Variants in HTR4 observed in about 807,000 individuals in gnomAD.
HTR4 encodes 5-hydroxytryptamine (serotonin) receptor 4, G protein-coupled.
Under a neutral mutation model 36.8 loss-of-function variants are expected in HTR4, and 16 were observed. That is an observed-to-expected ratio of 0.43 (90% CI 0.29 to 0.66). HTR4 has a LOEUF of 0.66. Among genes scored for constraint, HTR4 ranks in the 30% least tolerant of loss-of-function variants. HTR4 has a pLI of 0.13. For missense variants in HTR4, 438 were observed against 490.9 expected (o/e 0.89, Z 1.02); for synonymous variants, 189 against 185.1 (o/e 1.02, Z -0.17).
intron 5 of HTR4, among the ~76,000 whole-genome samples, chr5:148,454,950 G>C (rs1236677560): frequency 1.3e-5 from 2 of 152,160 alleles, no homozygotes; most frequent in African/African-American, 4.8e-5. Flanking sequence ...AGGAAATGGG[G>C]CTACGCTTTA....
intron 1 of HTR4, among the ~76,000 whole-genome samples, chr5:148,647,514 C>T (rs908934239): frequency 1.3e-5 from 2 of 152,072 alleles, no homozygotes; most frequent in Admixed American, 6.5e-5. Context: ...TGAGTCTTTC[C>T]CTCTCCCCTT....
At chr5:148,484,732 A>T (rs1212209989) in intron 6 of HTR4, among the ~76,000 whole-genome samples, 1 of 152,212 alleles carries the variant, frequency 6.6e-6, no homozygotes, top group East Asian at 1.9e-4. Flanking sequence ...TCCCTAAATA[A>T]TGAAATCTAA....
intron 6 of HTR4, among the ~76,000 whole-genome samples, chr5:148,499,086 A>T (rs1223335914): frequency 6.6e-6 from 1 of 152,188 alleles, no homozygotes; most frequent in Non-Finnish European, 1.5e-5. Flanking sequence ...AGTCAGAAAC[A>T]GTTGGGTCTG....
chr5:148,462,519 AAATT>A (rs1057449713), intron 5 of HTR4, among the ~76,000 whole-genome samples: 2 of 152,088 alleles, frequency 1.3e-5, no homozygotes, highest in Non-Finnish European at 2.9e-5. Context: ...AATTGAATAA[AAATT>A]AATAACCTTT....
intron 5 of HTR4, among the ~76,000 whole-genome samples, chr5:148,451,797 C>G (rs1348243924): frequency 6.6e-6 from 1 of 152,194 alleles, no homozygotes; most frequent in African/African-American, 2.4e-5. Context: ...CAAGTTGACA[C>G]TAAGCATCAC....
At position 148,482,367 on chromosome 5, in the gene HTR4, A is replaced by G. The variant is rs201244832; in HGVS notation, c.*836T>C. On this transcript the variant is annotated 3_prime_UTR_variant, in exon 7 of 7. Transcript: ENST00000377888. Reference sequence around the variant, plus strand: ...CTAGCCCTGCCCAAGGCTTTTTAGAAGACGTCCCGTTCTAGCCCAGCAGGA... The same window carrying G: ...CTAGCCCTGCCCAAGGCTTTTTAGAGGACGTCCCGTTCTAGCCCAGCAGGA... The G allele has an allele frequency of 1.2e-5, 12 of 985,426 alleles. No homozygotes were observed. Among genetic ancestry groups the G allele is most frequent in the African/African-American group, 1.7e-5 (1 of 57,262 alleles). 61.0% of individuals were successfully genotyped at this position (985,426 alleles called of 1,614,324 possible).
rs553797923 is a variant in HTR4 at position 148,557,759 on chromosome 5, C to CAT, written c.27-7499_27-7498dup. 1.0e-3 allele frequency among the ~76,000 whole-genome samples: 153 copies of CAT among 147,544 alleles called. 5 individuals carry two copies. In the South Asian group the frequency reaches 0.033, roughly 31 times the overall value. On this transcript the variant is annotated intron_variant, in intron 2 of 6. Transcript: ENST00000377888. ...CAAGTGAATATATGTATGTATAATA[C>CAT]ATATATATAATATATTATATAATAT... is the stretch of plus-strand genomic sequence containing the variant.
At chr5:148,475,812 G>A (rs2113708849), downstream of HTR4, among the ~76,000 whole-genome samples, 1 of 152,312 alleles carries the variant, frequency 6.6e-6, no homozygotes, top group South Asian at 2.1e-4. Flanking sequence ...GAGACTGTGT[G>A]CCACTATTTA....
intron 6 of HTR4, among the ~76,000 whole-genome samples, chr5:148,489,553 A>C (rs1481982312): frequency 6.6e-6 from 1 of 152,218 alleles, no homozygotes; most frequent in African/African-American, 2.4e-5. Context: ...GTGGGGCAGG[A>C]AAGTTTAGAG....
chr5:148,642,627 C>T (rs182031314), intron 1 of HTR4, among the ~76,000 whole-genome samples: 2 of 152,276 alleles, frequency 1.3e-5, no homozygotes. Flanking sequence ...AGCAGTCTTA[C>T]AAATTCCATG....
intron 5 of HTR4, among the ~76,000 whole-genome samples, chr5:148,454,673 C>A (rs1755054777): frequency 6.6e-6 from 1 of 152,186 alleles, no homozygotes; most frequent in Admixed American, 6.5e-5. Flanking sequence ...AAAGCAACAC[C>A]AATTGATTTC....
At position 148,485,565 on chromosome 5, in the gene HTR4, C is replaced by T. The variant is rs79483973; in HGVS notation, c.1077-2272G>A. On this transcript the variant is annotated intron_variant, in intron 6 of 6. Transcript: ENST00000377888. ...TGTGATGTGGCATTTCCATTTATTG[C>T]AACACAATATGACTGTGACACTAAC... Among the ~76,000 whole-genome samples the T allele has an allele frequency of 9.2e-3, 1,404 of 152,254 alleles. 53 individuals carry two copies. The highest frequency in any genetic ancestry group is 0.066 in the East Asian group (341 of 5,176).
At chr5:148,560,653 G>A (rs1027693224) in intron 2 of HTR4, among the ~76,000 whole-genome samples, 5 of 152,108 alleles carry the variant, frequency 3.3e-5, no homozygotes, top group African/African-American at 7.2e-5. Flanking sequence ...TCATGTTGGC[G>A]AATTCAATCT....
At chr5:148,610,028 A>C (rs941910845) in intron 2 of HTR4, among the ~76,000 whole-genome samples, 1 of 152,226 alleles carries the variant, frequency 6.6e-6, no homozygotes, top group Non-Finnish European at 1.5e-5. Context: ...AAATTTTATA[A>C]GTTCCAGAAG....
intron 2 of HTR4, among the ~76,000 whole-genome samples, chr5:148,625,146 T>A (rs906588761): frequency 6.6e-6 from 1 of 152,112 alleles, no homozygotes; most frequent in Non-Finnish European, 1.5e-5. Flanking sequence ...TATAGAAAGA[T>A]GGCCAGTCGT....
intron 2 of HTR4, among the ~76,000 whole-genome samples, chr5:148,571,528 G>A (rs996079628): frequency 2.0e-5 from 3 of 151,966 alleles, no homozygotes; most frequent in Admixed American, 1.3e-4. Flanking sequence ...TAGATTACTC[G>A]TGGATTTCAT....
chr5:148,496,794 A>C (rs1036343703), intron 6 of HTR4, among the ~76,000 whole-genome samples: 3 of 152,366 alleles, frequency 2.0e-5, no homozygotes, highest in Admixed American at 2.0e-4. Flanking sequence ...TCAGCTCCTG[A>C]TAAACCTTGT....
At chr5:148,451,276 G>A (rs749606815) in intron 5 of HTR4, 2 of 1,613,664 alleles carry the variant, frequency 1.2e-6, no homozygotes, top group Non-Finnish European at 8.5e-7. Context: ...GGTGTACCTA[G>A]AAAGGAAGGA....
chr5:148,530,101 G>T (rs1450266513), intron 4 of HTR4, among the ~76,000 whole-genome samples: 1 of 152,130 alleles, frequency 6.6e-6, no homozygotes, highest in Non-Finnish European at 1.5e-5. Context: ...GTTTTATAAG[G>T]AAAGCAGAGC....
Sources: gnomAD v4.1 joint callset for allele counts (sites outside exome capture counted in the v4.1 genomes callset) on GRCh38, gnomAD v4.1.1 for gene constraint, MANE v1.5 for transcripts, NCBI Gene and HGNC (gene_info 2026-07-23, HGNC 2026-07-21) for gene names.